The following CSMD1 variants were observed in gnomAD, a reference collection of about 807,000 sequenced individuals.
CSMD1 encodes the protein CUB and sushi domain-containing protein 1.
Under a neutral mutation model 417.5 loss-of-function variants are expected in CSMD1, and 213 were observed. That is an observed-to-expected ratio of 0.51 (90% CI 0.46 to 0.57). CSMD1 has a LOEUF of 0.57. Ranked by LOEUF, CSMD1 falls within the 20% of genes least tolerant of loss-of-function variation. The pLI is 0.00. For missense variants in CSMD1, 6,923 were observed against 4,529.7 expected (o/e 1.53, Z -15.17); for synonymous variants, 2,862 against 1,736.8 (o/e 1.65, Z -16.11).
intron 5 of CSMD1, among the ~76,000 whole-genome samples, chr8:3,852,274 G>C (rs901092054): frequency 2.6e-5 from 4 of 152,126 alleles, no homozygotes; most frequent in Non-Finnish European, 5.9e-5. Flanking sequence ...GTAGGCAGTG[G>C]ATGCAGCGAA....
chr8:4,195,350 C>A (rs889993), intron 3 of CSMD1, among the ~76,000 whole-genome samples: 1 of 152,106 alleles, frequency 6.6e-6, no homozygotes, highest in African/African-American at 2.4e-5. Context: ...GTTAACAAAT[C>A]ACCCTAACAA....
rs1391664566 is a variant in CSMD1 at position 4,000,514 on chromosome 8, C to G, written c.611-2404G>C. Among the ~76,000 whole-genome samples the G allele has an allele frequency of 5.3e-5, 8 of 152,188 alleles. No homozygotes were observed. In the East Asian group the frequency reaches 1.5e-3, roughly 29 times the overall value. The stretch of plus-strand genomic sequence containing the variant: ...ATATTGGGCAGAATTCAGCTCTAAG[C>G]CCCTTGTGTTGGGATAATGGTGAAT... On this transcript the variant is annotated intron_variant, in intron 4 of 69. Transcript: ENST00000635120.
At chr8:4,245,582 C>G (rs1180970966) in intron 3 of CSMD1, among the ~76,000 whole-genome samples, 1 of 152,130 alleles carries the variant, frequency 6.6e-6, no homozygotes, top group Non-Finnish European at 1.5e-5. Flanking sequence ...AGTTCACAAT[C>G]GATCAGCTGG....
chr8:4,455,597 T>C (rs748409729), intron 2 of CSMD1, among the ~76,000 whole-genome samples: 5 of 151,978 alleles, frequency 3.3e-5, no homozygotes, highest in Non-Finnish European at 7.4e-5. Context: ...ATTGTGAATT[T>C]TTAAATCATC....
At chr8:4,802,957 A>T (rs1798387039) in intron 1 of CSMD1, among the ~76,000 whole-genome samples, 1 of 152,218 alleles carries the variant, frequency 6.6e-6, no homozygotes, top group Non-Finnish European at 1.5e-5. Context: ...TGGCTTCTAC[A>T]AGAAATTATA....
rs185175972 is a variant in CSMD1 at position 3,066,497 on chromosome 8, G to A, written c.7475-13850C>T. On this transcript the variant is annotated intron_variant, in intron 49 of 69. Coordinates refer to ENST00000635120, the MANE Select transcript of CSMD1 (RefSeq NM_033225.6). ...ACGCATGCAGGTAAAATGAACTGAC[G>A]ACATGTATTTTGAAGTGGACTCTGG... is the stretch of plus-strand genomic sequence containing the variant. Among the ~76,000 whole-genome samples, 5 of 152,264 alleles carry A rather than the reference G, an allele frequency of 3.3e-5. No individual in the cohort carries two copies. The East Asian group carries it at 9.7e-4, about 29-fold the overall frequency.
chr8:4,175,584 G>C (rs894621143), intron 3 of CSMD1, among the ~76,000 whole-genome samples: 29 of 152,202 alleles, frequency 1.9e-4, no homozygotes, highest in South Asian at 2.1e-4. Flanking sequence ...GGTATATTAG[G>C]AGAGTAAATA....
At position 3,179,259 on chromosome 8, in the gene CSMD1, C is replaced by T. The variant is rs1459568779; in HGVS notation, c.5725+1851G>A. 6.6e-5 allele frequency among the ~76,000 whole-genome samples: 10 copies of T among 152,244 alleles called. No homozygotes were observed. In the South Asian group the frequency reaches 1.9e-3, roughly 28 times the overall value. The stretch of plus-strand genomic sequence containing the variant: ...CGCGCCCAGCCTATAATCTATATTT[C>T]AAATTCTGGCATGAAGAATAGGAAC... On this transcript the variant is annotated intron_variant, in intron 37 of 69. Transcript: ENST00000635120.
chr8:2,992,997 T>C (rs150664856), intron 54 of CSMD1, among the ~76,000 whole-genome samples: 1,623 of 152,280 alleles, frequency 0.011, 19 homozygotes, highest in Middle Eastern at 0.027. Flanking sequence ...CCTCCCAAAG[T>C]GCTGGGACTA....
intron 7 of CSMD1, among the ~76,000 whole-genome samples, chr8:3,620,437 T>C (rs1308254977): frequency 6.6e-6 from 1 of 152,154 alleles, no homozygotes; most frequent in Non-Finnish European, 1.5e-5. Context: ...CCTACAGTAT[T>C]TAAAGATAAA....
chr8:4,237,702 A>G (rs752153853), intron 3 of CSMD1, among the ~76,000 whole-genome samples: 32 of 152,192 alleles, frequency 2.1e-4, no homozygotes, highest in South Asian at 4.2e-4. Flanking sequence ...TTGTAGAGAC[A>G]TGGTTTTGCT....
At chr8:3,881,621 A>C (rs1806210698) in intron 5 of CSMD1, among the ~76,000 whole-genome samples, 1 of 138,820 alleles carries the variant, frequency 7.2e-6, no homozygotes, top group Non-Finnish European at 1.5e-5. Flanking sequence ...AAAAAAAAAA[A>C]ACAAAAACAA....
intron 12 of CSMD1, among the ~76,000 whole-genome samples, chr8:3,440,934 T>C (rs1814941026): frequency 6.6e-6 from 1 of 152,180 alleles, no homozygotes; most frequent in Non-Finnish European, 1.5e-5. Context: ...CCAGACGTGG[T>C]GACTGTGATT....
chr8:3,472,244 T>C (rs1373665634), intron 11 of CSMD1, among the ~76,000 whole-genome samples: 1 of 152,094 alleles, frequency 6.6e-6, no homozygotes, highest in Admixed American at 6.5e-5. Context: ...TGGTCATACC[T>C]TGCACCTTCC....
At chr8:3,958,331 T>G (rs1812108003) in intron 5 of CSMD1, among the ~76,000 whole-genome samples, 1 of 151,920 alleles carries the variant, frequency 6.6e-6, no homozygotes, top group Non-Finnish European at 1.5e-5. Flanking sequence ...TTTTTTTTTT[T>G]TTTTTCCAAC....
intron 2 of CSMD1, among the ~76,000 whole-genome samples, chr8:4,634,799 CTCCTCATGTGTTTTCCCTGACAACACA>C (rs796811867): frequency 1.4e-4 from 21 of 152,212 alleles, no homozygotes; most frequent in African/African-American, 5.1e-4. Flanking sequence ...GAGAAAACAC[CTCCTCATGTGTTTTCCCTGACAACACA>C]CCCATTCCAA....
intron 5 of CSMD1, among the ~76,000 whole-genome samples, chr8:3,870,215 T>G (rs1805385293): frequency 6.6e-6 from 1 of 152,200 alleles, no homozygotes; most frequent in Non-Finnish European, 1.5e-5. Flanking sequence ...CAACCATATT[T>G]CTCTTTCTAG....
chr8:4,222,367 GA>G, intron 3 of CSMD1, among the ~76,000 whole-genome samples: 1 of 460 alleles, frequency 2.2e-3, no homozygotes, highest in East Asian at 0.1. Context: ...TCTGTAAACA[GA>G]ATAAGAAGCT....
At chr8:3,453,769 T>C (rs10091753) in intron 12 of CSMD1, among the ~76,000 whole-genome samples, 100,287 of 151,976 alleles carry the variant, frequency 0.66, 33,249 homozygotes, top group Middle Eastern at 0.78. Context: ...GGTATGGTGC[T>C]GAAAAGAATA....
Sources: gnomAD v4.1 joint callset for allele counts (sites outside exome capture counted in the v4.1 genomes callset) on GRCh38, gnomAD v4.1.1 for gene constraint, MANE v1.5 for transcripts, NCBI Gene and HGNC (gene_info 2026-07-23, HGNC 2026-07-21) for gene names.